IGF1R: variants seen among roughly 807,000 people sequenced by gnomAD.
The protein encoded by IGF1R is insulin like growth factor 1 receptor, also known as insulin-like growth factor 1 receptor.
IGF1R carries 44 observed loss-of-function variants against 144.6 expected under a neutral mutation model. That is an observed-to-expected ratio of 0.30 (90% confidence interval 0.24 to 0.39). IGF1R has a LOEUF of 0.39. Ranked by LOEUF, IGF1R falls within the 10% of genes least tolerant of loss-of-function variation. The pLI, the probability that IGF1R is intolerant of heterozygous loss-of-function variation, is 1.00. For missense variants in IGF1R, 1,355 were observed against 1,833.7 expected, an observed-to-expected ratio of 0.74 and a Z score of 4.77; for synonymous variants, 795 against 722.8, an observed-to-expected ratio of 1.10 and a Z score of -1.60.
chr15:98,795,032 C>A (rs1478943568), intron 2 of IGF1R, among the ~76,000 whole-genome samples: 4 of 152,218 alleles, frequency 2.6e-5, no homozygotes, highest in Admixed American at 1.3e-4. Flanking sequence ...ACCTTAACCT[C>A]ACTGTGTATC....
intron 2 of IGF1R, among the ~76,000 whole-genome samples, chr15:98,810,665 C>T (rs971203227): frequency 6.6e-6 from 1 of 151,960 alleles, no homozygotes; most frequent in Admixed American, 6.6e-5. Context: ...TCTTCTGCCT[C>T]AACCTCCCAA....
At chr15:98,944,553 C>T (rs989238580) in intron 19 of IGF1R, among the ~76,000 whole-genome samples, 3 of 152,232 alleles carry the variant, frequency 2.0e-5, no homozygotes, top group Non-Finnish European at 2.9e-5. Context: ...TAAACTAAAG[C>T]TGTCCCTCTC....
intron 2 of IGF1R, among the ~76,000 whole-genome samples, chr15:98,808,493 T>C (rs1287566631): frequency 6.6e-6 from 1 of 152,138 alleles, no homozygotes; most frequent in Admixed American, 6.5e-5. Flanking sequence ...CAGTGGCATA[T>C]AGGGGCTTAA....
At position 98,754,913 on chromosome 15, in the gene IGF1R, C is replaced by T. The variant is rs77325455; in HGVS notation, c.640+46806C>T. On this transcript the variant is annotated intron_variant, in intron 2 of 20. Coordinates refer to ENST00000650285, the MANE Select transcript of IGF1R (RefSeq NM_000875.5). ...GCTGCTGCAGTGCTCACCCTTCCTA[C>T]CTTCCCAAGAAACAATACGCAGAGA... is the stretch of plus-strand genomic sequence containing the variant. 2.1e-3 allele frequency among the ~76,000 whole-genome samples: 316 copies of T among 152,278 alleles called. 1 individual carries two copies. The highest frequency in any genetic ancestry group is 3.6e-3 in the Non-Finnish European group (248 of 68,012).
intron 3 of IGF1R, among the ~76,000 whole-genome samples, chr15:98,895,720 G>T (rs2014161340): frequency 6.6e-6 from 1 of 152,142 alleles, no homozygotes; most frequent in Non-Finnish European, 1.5e-5. Context: ...AACCTTCATG[G>T]GTAGGGGGAA....
At chr15:98,657,612 G>C (rs1053145910) in intron 1 of IGF1R, among the ~76,000 whole-genome samples, 1 of 152,186 alleles carries the variant, frequency 6.6e-6, no homozygotes, top group African/African-American at 2.4e-5. Context: ...CCTTAGTTCT[G>C]TTGTCTGATT....
At chr15:98,764,930 G>T (rs1011592073) in intron 2 of IGF1R, among the ~76,000 whole-genome samples, 3 of 152,080 alleles carry the variant, frequency 2.0e-5, no homozygotes, top group Non-Finnish European at 4.4e-5. Context: ...TTGTCATGCC[G>T]CAAGGAAAGC....
chr15:98,732,433 C>T (rs773076991), intron 2 of IGF1R, among the ~76,000 whole-genome samples: 31 of 152,180 alleles, frequency 2.0e-4, no homozygotes, highest in Non-Finnish European at 4.3e-4. Context: ...ACTTTACAGG[C>T]AGTGACGGTG....
At chr15:98,845,076 G>A (rs138020194) in intron 2 of IGF1R, among the ~76,000 whole-genome samples, 11 of 152,222 alleles carry the variant, frequency 7.2e-5, no homozygotes, top group African/African-American at 2.2e-4. Flanking sequence ...GCCGTGGAAC[G>A]ACCTGGGCAG....
chr15:98,710,298 G>A (rs922415672), intron 2 of IGF1R, among the ~76,000 whole-genome samples: 3 of 152,198 alleles, frequency 2.0e-5, no homozygotes, highest in South Asian at 2.1e-4. Context: ...ACTGCTTTCC[G>A]GGAAATTGAC....
intron 2 of IGF1R, among the ~76,000 whole-genome samples, chr15:98,824,439 T>G (rs2056855907): frequency 6.6e-6 from 1 of 152,220 alleles, no homozygotes; most frequent in African/African-American, 2.4e-5. Flanking sequence ...ATTGTCAGAC[T>G]TCTTCTTATC....
chr15:98,648,990 C>CGGCGGCGGCGCTGAGGGAGGA lies in IGF1R; in HGVS notation c.-581_-561dup, dbSNP rs1418787904. Reference sequence around the variant, plus strand: ...GGATTTGGGAAGGAGCTCGCCGCGGCGGCGGCGGCGCTGAGGGAGGAGGCG... The same window carrying CGGCGGCGGCGCTGAGGGAGGA: ...GGATTTGGGAAGGAGCTCGCCGCGGCGGCGGCGGCGCTGAGGGAGGAGGCGGCGGCGCTGAGGGAGGAGGCG... On this transcript the variant is annotated 5_prime_UTR_variant, in exon 1 of 21. Coordinates refer to ENST00000650285, the MANE Select transcript of IGF1R (RefSeq NM_000875.5). 9 of 213,934 alleles carry CGGCGGCGGCGCTGAGGGAGGA rather than the reference C, an allele frequency of 4.2e-5. No individual in the cohort carries two copies. The highest frequency in any genetic ancestry group is 1.2e-4 in the African/African-American group (5 of 42,884). The allele number at this position is 213,934 out of a possible 1,614,324, so 13.3% of individuals were successfully genotyped here. A position where few individuals can be genotyped will look rare whatever the true frequency, so the allele number is the denominator to read the frequency against.
chr15:98,701,397 C>T (rs974624215), intron 1 of IGF1R, among the ~76,000 whole-genome samples: 7 of 124,394 alleles, frequency 5.6e-5, no homozygotes, highest in Admixed American at 1.1e-4. Flanking sequence ...AGTGCAGTGG[C>T]GTGATCTCAG....
chr15:98,758,075 G>A (rs540816225), intron 2 of IGF1R, among the ~76,000 whole-genome samples: 145 of 152,196 alleles, frequency 9.5e-4, no homozygotes, highest in African/African-American at 3.2e-3. Flanking sequence ...TGTGTTCTCT[G>A]TCTTTTCACT....
At chr15:98,878,172 A>G (rs2013158859) in intron 2 of IGF1R, among the ~76,000 whole-genome samples, 1 of 152,242 alleles carries the variant, frequency 6.6e-6, no homozygotes, top group Admixed American at 6.5e-5. Context: ...TGCAGCCAAA[A>G]CGACAAAGCT....
intron 2 of IGF1R, among the ~76,000 whole-genome samples, chr15:98,715,623 T>G (rs1012029148): frequency 2.6e-5 from 4 of 152,208 alleles, no homozygotes; most frequent in Admixed American, 6.5e-5. Flanking sequence ...GTGGTTAATC[T>G]TGTCCTGAAT....
At chr15:98,675,826 C>CTT (rs869068918) in intron 1 of IGF1R, among the ~76,000 whole-genome samples, 9,369 of 45,810 alleles carry the variant, frequency 0.2, 825 homozygotes, top group African/African-American at 0.28. Context: ...TTCTTTCTTT[C>CTT]TTTTTTTTTT....
chr15:98,929,545 C>G lies in IGF1R; in HGVS notation c.2783-13C>G. ...CCTGGTGATATTTTATCATTTCCTC[C>G]TCTTTGCTGCAGCAGGATATGAAAA... On this transcript the variant is annotated splice_polypyrimidine_tract_variant and intron_variant, in intron 13 of 20. Coordinates refer to ENST00000650285, the MANE Select transcript of IGF1R (RefSeq NM_000875.5). The G allele has an allele frequency of 6.3e-7, 1 of 1,598,304 alleles. No homozygotes were observed. The highest frequency in any genetic ancestry group is 8.6e-7 in the Non-Finnish European group (1 of 1,165,682).
intron 6 of IGF1R, among the ~76,000 whole-genome samples, chr15:98,911,101 T>C (rs2014994164): frequency 1.3e-5 from 2 of 152,158 alleles, no homozygotes; most frequent in South Asian, 4.1e-4. Context: ...CCAGCGTAAC[T>C]GATTGACCTA....
Sources: allele counts gnomAD v4.1 joint callset (sites outside exome capture counted in the v4.1 genomes callset), GRCh38; gene constraint gnomAD v4.1.1; transcripts MANE v1.5; gene names NCBI Gene and HGNC (gene_info 2026-07-23, HGNC 2026-07-21).